Variants in GRID2 observed in about 807,000 individuals in gnomAD.
GRID2 encodes the protein glutamate ionotropic receptor delta type subunit 2, also known as glutamate receptor ionotropic, delta-2.
A neutral mutation model predicts 114.8 loss-of-function variants in GRID2; 33 were observed. The ratio of observed to expected loss-of-function variants is 0.29; its 90% CI spans 0.22 to 0.38. The LOEUF (loss-of-function observed/expected upper bound fraction) is 0.38, where lower values mean the gene tolerates loss of function less well. Ranked by LOEUF, GRID2 falls within the 10% of genes least tolerant of loss-of-function variation. The pLI is 1.00. For synonymous variants in GRID2, 505 were observed against 449.9 expected (o/e 1.12, Z -1.55); for missense variants, 1,184 against 1,257.7 (o/e 0.94, Z 0.89).
chr4:92,556,951 C>G (rs1281851215), intron 1 of GRID2, among the ~76,000 whole-genome samples: 1 of 152,076 alleles, frequency 6.6e-6, no homozygotes, highest in East Asian at 1.9e-4. Context: ...ACGTAATATC[C>G]TAGTATAATA....
At chr4:92,559,855 C>T (rs932509185) in intron 1 of GRID2, among the ~76,000 whole-genome samples, 1 of 152,140 alleles carries the variant, frequency 6.6e-6, no homozygotes, top group African/African-American at 2.4e-5. Flanking sequence ...TTGCAAAGTG[C>T]TCATGAATGT....
At chr4:92,398,369 C>T (rs955497607) in intron 1 of GRID2, among the ~76,000 whole-genome samples, 8 of 152,092 alleles carry the variant, frequency 5.3e-5, no homozygotes, top group African/African-American at 1.2e-4. Flanking sequence ...GGTGTAATCA[C>T]GGCTCATTGC....
intron 1 of GRID2, among the ~76,000 whole-genome samples, chr4:93,795,102 GA>G (rs1485353430): frequency 6.7e-6 from 1 of 150,132 alleles, no homozygotes; most frequent in African/African-American, 2.5e-5. Flanking sequence ...AAAAAACTAA[GA>G]GATACAATGA....
chr4:93,282,971 C>CA (rs1445277365), intron 8 of GRID2, among the ~76,000 whole-genome samples: 1 of 151,974 alleles, frequency 6.6e-6, no homozygotes, highest in African/African-American at 2.4e-5. Flanking sequence ...ACTCATACTG[C>CA]AAGGAGGGCA....
At chr4:93,628,349 T>G (rs927471099) in intron 14 of GRID2, among the ~76,000 whole-genome samples, 3 of 152,154 alleles carry the variant, frequency 2.0e-5, no homozygotes, top group Non-Finnish European at 2.9e-5. Flanking sequence ...GATATATATG[T>G]ATATAATATC....
intron 1 of GRID2, among the ~76,000 whole-genome samples, chr4:92,496,641 T>G (rs1019794060): frequency 6.6e-6 from 1 of 150,642 alleles, no homozygotes; most frequent in Non-Finnish European, 1.5e-5. Context: ...ATTATTGGAG[T>G]TTTTTTTTAG....
At position 93,610,895 on chromosome 4, in the gene GRID2, G is replaced by A. The variant is rs568579842; in HGVS notation, c.2194-15374G>A. 5.0e-5 allele frequency among the ~76,000 whole-genome samples: 7 copies of A among 139,858 alleles called. 1 individual carries two copies. The highest frequency in any genetic ancestry group is 2.1e-4 in the African/African-American group (7 of 34,076). The allele number at this position is 139,858 out of a possible 152,430, so 91.8% of individuals were successfully genotyped here. A position where few individuals can be genotyped will look rare whatever the true frequency, so the allele number is the denominator to read the frequency against. ...AATAGTTTCAGAAGGAATGGTACCA[G>A]TTCCTCCTTGTACTTCCGGTAGAAT... On this transcript the variant is annotated intron_variant, in intron 13 of 15. Coordinates refer to ENST00000282020, the MANE Select transcript of GRID2 (RefSeq NM_001510.4).
chr4:93,524,823 G>GTATGTA (rs1553946409), intron 13 of GRID2, among the ~76,000 whole-genome samples: 6 of 59,918 alleles, frequency 1.0e-4, no homozygotes, highest in African/African-American at 3.5e-4. Flanking sequence ...ATGTATGTAT[G>GTATGTA]TATATATATA....
At chr4:92,678,774 C>T (rs1350682634) in intron 2 of GRID2, among the ~76,000 whole-genome samples, 1 of 151,848 alleles carries the variant, frequency 6.6e-6, no homozygotes, top group Non-Finnish European at 1.5e-5. Context: ...CGGATACTCT[C>T]CTGGGCCCTT....
chr4:92,869,159 A>C (rs892394774), intron 2 of GRID2, among the ~76,000 whole-genome samples: 1 of 152,212 alleles, frequency 6.6e-6, no homozygotes, highest in Non-Finnish European at 1.5e-5. Flanking sequence ...GATTAAAAAC[A>C]TTAGATTACA....
intron 4 of GRID2, among the ~76,000 whole-genome samples, chr4:93,174,814 G>A (rs1739194675): frequency 6.6e-6 from 1 of 152,092 alleles, no homozygotes; most frequent in Non-Finnish European, 1.5e-5. Context: ...TTTTCTTACA[G>A]AGAAGTCTGA....
intron 14 of GRID2, among the ~76,000 whole-genome samples, chr4:93,633,733 C>A (rs1229206573): frequency 2.6e-5 from 4 of 152,050 alleles, no homozygotes; most frequent in African/African-American, 9.7e-5. Flanking sequence ...AAAACAAACA[C>A]AGCACCTGCC....
In GRID2 at chr4:93,590,499, G is replaced by C. The variant is rs953740591; in HGVS notation, c.2194-35770G>C. On this transcript the variant is annotated intron_variant, in intron 13 of 15. Transcript: ENST00000282020. ...GAAGTCAGGTAGTGTGATGCCTCCA[G>C]CTTTGTTCTTTTGGCTTAGGATTGA... Among the ~76,000 whole-genome samples, 600 of 150,632 alleles carry C rather than the reference G, an allele frequency of 4.0e-3. 4 individuals are homozygous for C. Among genetic ancestry groups the C allele is most frequent in the African/African-American group, 0.014 (558 of 41,158 alleles).
chr4:92,371,419 A>G (rs1374758242), intron 1 of GRID2, among the ~76,000 whole-genome samples: 2 of 152,148 alleles, frequency 1.3e-5, no homozygotes, highest in African/African-American at 4.8e-5. Flanking sequence ...GTAGCTGGTA[A>G]CTTTGAGTGG....
At chr4:92,357,142 T>C (rs1728367718) in intron 1 of GRID2, among the ~76,000 whole-genome samples, 1 of 151,434 alleles carries the variant, frequency 6.6e-6, no homozygotes, top group Admixed American at 6.6e-5. Context: ...ATACTTCTAT[T>C]TGGAAAAAAA....
chr4:92,516,057 A>G (rs1163891877), intron 1 of GRID2, among the ~76,000 whole-genome samples: 2 of 151,960 alleles, frequency 1.3e-5, no homozygotes, highest in African/African-American at 4.8e-5. Context: ...ATGTAAAAGA[A>G]AAGTCACACA....
At chr4:93,386,887 C>G (rs1037118522) in intron 8 of GRID2, among the ~76,000 whole-genome samples, 1 of 152,098 alleles carries the variant, frequency 6.6e-6, no homozygotes, top group Non-Finnish European at 1.5e-5. Flanking sequence ...AGTAAAGAAG[C>G]CTCTGAATGG....
intron 2 of GRID2, among the ~76,000 whole-genome samples, chr4:92,590,995 C>T (rs1579640933): frequency 6.6e-6 from 1 of 152,222 alleles, no homozygotes; most frequent in African/African-American, 2.4e-5. Flanking sequence ...TAGCCTTGAT[C>T]CAGAAAGCAC....
intron 8 of GRID2, among the ~76,000 whole-genome samples, chr4:93,282,807 T>G (rs2149129647): frequency 6.6e-6 from 1 of 152,098 alleles, no homozygotes; most frequent in South Asian, 2.1e-4. Flanking sequence ...GCCCCTCACC[T>G]GCTTTTGGTG....
Sources: gnomAD v4.1 joint callset for allele counts (sites outside exome capture counted in the v4.1 genomes callset) on GRCh38, gnomAD v4.1.1 for gene constraint, MANE v1.5 for transcripts, NCBI Gene and HGNC (gene_info 2026-07-23, HGNC 2026-07-21) for gene names.